Variants in LINGO2 observed in about 807,000 individuals in gnomAD.
LINGO2 encodes the protein leucine-rich repeat and immunoglobulin-like domain-containing nogo receptor-interacting protein 2.
In LINGO2, 14 loss-of-function variants were observed where a neutral mutation model predicts 30.6. That is an observed-to-expected ratio of 0.46 (90% CI 0.30 to 0.72). The LOEUF is 0.72. LINGO2 is among the 30% of genes least tolerant of loss of function. The pLI, the probability that LINGO2 is intolerant of heterozygous loss-of-function variation, is 0.07. For missense variants in LINGO2, 729 were observed against 751.7 expected (o/e 0.97, Z 0.35); for synonymous variants, 317 against 288.5 (o/e 1.10, Z -1.00).
chr9:27,972,384 C>A (rs1462751158), intron 5 of LINGO2, among the ~76,000 whole-genome samples: 1 of 152,172 alleles, frequency 6.6e-6, no homozygotes, highest in Non-Finnish European at 1.5e-5. Flanking sequence ...GAAAGCTAGA[C>A]TTTCTGCAAG....
chr9:29,048,910 A>C, the LINGO2 span, among the ~76,000 whole-genome samples: 1 of 152,172 alleles, frequency 6.6e-6, no homozygotes, highest in Admixed American at 6.5e-5. Context: ...TCTGGGCAAA[A>C]ATTTCTTAAG....
chr9:29,179,540 G>A, the LINGO2 span, among the ~76,000 whole-genome samples: 2 of 151,384 alleles, frequency 1.3e-5, no homozygotes, highest in Non-Finnish European at 2.9e-5. Flanking sequence ...CAGGAGCTGA[G>A]ACTACACATG....
At chr9:29,120,679 G>A in the LINGO2 span, among the ~76,000 whole-genome samples, 4 of 152,122 alleles carry the variant, frequency 2.6e-5, no homozygotes, top group Non-Finnish European at 5.9e-5. Flanking sequence ...ACACTGTAAG[G>A]TGGTAGTTCA....
chr9:28,799,003 A>G, the LINGO2 span, among the ~76,000 whole-genome samples: 1 of 152,050 alleles, frequency 6.6e-6, no homozygotes, highest in Admixed American at 6.6e-5. Context: ...AAAAATTGAG[A>G]TGATGGAGAG....
At chr9:28,674,348 TA>T (rs1306218135), upstream of LINGO2, among the ~76,000 whole-genome samples, 5 of 152,172 alleles carry the variant, frequency 3.3e-5, no homozygotes, top group Non-Finnish European at 7.4e-5. Flanking sequence ...AGTGATATTC[TA>T]GGAATAATTT....
At chr9:29,203,154 G>A in the LINGO2 span, among the ~76,000 whole-genome samples, 1 of 152,032 alleles carries the variant, frequency 6.6e-6, no homozygotes, top group Non-Finnish European at 1.5e-5. Context: ...ATATGTTCTA[G>A]AATGATCTTC....
chr9:28,538,366 A>G (rs1427327851), intron 1 of LINGO2, among the ~76,000 whole-genome samples: 1 of 152,234 alleles, frequency 6.6e-6, no homozygotes, highest in African/African-American at 2.4e-5. Context: ...ATTGAATTTA[A>G]AAGATTAAAG....
chr9:28,111,480 G>C (rs1386795804), intron 4 of LINGO2, among the ~76,000 whole-genome samples: 1 of 151,804 alleles, frequency 6.6e-6, no homozygotes, highest in Non-Finnish European at 1.5e-5. Context: ...GAATTGTACA[G>C]AAAAAAAGGC....
the LINGO2 span, among the ~76,000 whole-genome samples, chr9:29,092,455 G>A: frequency 6.6e-6 from 1 of 151,956 alleles, no homozygotes; most frequent in Non-Finnish European, 1.5e-5. Flanking sequence ...GGAAAACCAA[G>A]TACAAAATGA....
At chr9:28,671,819 A>G (rs1829031080), upstream of LINGO2, among the ~76,000 whole-genome samples, 1 of 152,128 alleles carries the variant, frequency 6.6e-6, no homozygotes, top group South Asian at 2.1e-4. Flanking sequence ...ACTAAGAAGT[A>G]TAACTTTGTC....
the LINGO2 span, among the ~76,000 whole-genome samples, chr9:29,202,007 G>T: frequency 6.6e-6 from 1 of 151,818 alleles, no homozygotes; most frequent in Non-Finnish European, 1.5e-5. Flanking sequence ...GTATTACTAT[G>T]GTTTTGGATA....
the LINGO2 span, among the ~76,000 whole-genome samples, chr9:29,189,584 A>G: frequency 6.6e-6 from 1 of 151,366 alleles, no homozygotes; most frequent in African/African-American, 2.4e-5. Context: ...GCGGCCAGGC[A>G]GAGACGCTCC....
chr9:28,182,208 T>A (rs1321354473), intron 4 of LINGO2, among the ~76,000 whole-genome samples: 1 of 152,064 alleles, frequency 6.6e-6, no homozygotes, highest in Non-Finnish European at 1.5e-5. Flanking sequence ...AAACAAGCAA[T>A]GGGGTAAGGA....
intron 5 of LINGO2, among the ~76,000 whole-genome samples, chr9:27,963,203 C>T (rs1819931880): frequency 1.3e-5 from 2 of 152,252 alleles, no homozygotes; most frequent in South Asian, 4.1e-4. Context: ...AGGTGGTATA[C>T]ATGGTGCCTA....
rs1564062912 is a variant in LINGO2, at chr9:28,233,050, ATATATATATAT to A, written c.-87+62147_-87+62157del. Among the ~76,000 whole-genome samples, 120 of 122,112 alleles carry A rather than the reference ATATATATATAT, an allele frequency of 9.8e-4. 4 individuals are homozygous for A. Among genetic ancestry groups the A allele is most frequent in the Middle Eastern group, 3.9e-3 (1 of 256 alleles). 80.1% of individuals were successfully genotyped at this position (122,112 alleles called of 152,430 possible). A position where few individuals can be genotyped will look rare whatever the true frequency, so the allele number is the denominator to read the frequency against. On this transcript the variant is annotated intron_variant, in intron 4 of 5. Coordinates refer to ENST00000379992, the Ensembl canonical transcript of LINGO2. ...AAACATTATATATATATATATATAT[ATATATATATAT>A]TAGATATATAATAGATATACAGTAA... is the stretch of plus-strand genomic sequence containing the variant.
At chr9:28,945,919 G>C in the LINGO2 span, among the ~76,000 whole-genome samples, 1 of 152,068 alleles carries the variant, frequency 6.6e-6, no homozygotes, top group Admixed American at 6.5e-5. Flanking sequence ...TAAAGATGAG[G>C]CTTCCTTTCA....
Position 28,278,464 on chromosome 9 carries a change from C to T in LINGO2, c.-87+16744G>A, listed in dbSNP as rs945720466. 3.3e-5 allele frequency among the ~76,000 whole-genome samples: 5 copies of T among 152,268 alleles called. No individual in the cohort carries two copies. In the East Asian group the frequency reaches 7.7e-4, roughly 23 times the overall value. ...CTGATCCTCTTGTTAGGGGCTAATG[C>T]AGCTGGTGACTTTAAGTTGAAGCCA... On this transcript the variant is annotated intron_variant, in intron 4 of 5. Coordinates refer to ENST00000379992, the Ensembl canonical transcript of LINGO2.
At chr9:28,360,903 C>T (rs536345553) in intron 3 of LINGO2, among the ~76,000 whole-genome samples, 33 of 152,142 alleles carry the variant, frequency 2.2e-4, no homozygotes, top group Middle Eastern at 3.4e-3. Context: ...CAAAATGGCA[C>T]AAAAAACAAC....
chr9:28,899,693 C>A, the LINGO2 span, among the ~76,000 whole-genome samples: 1 of 152,196 alleles, frequency 6.6e-6, no homozygotes, highest in African/African-American at 2.4e-5. Flanking sequence ...TAGATCAGCC[C>A]AGAGCCAGTC....
Sources: allele counts gnomAD v4.1 joint callset (sites outside exome capture counted in the v4.1 genomes callset), GRCh38; gene constraint gnomAD v4.1.1; transcripts MANE v1.5; gene names NCBI Gene and HGNC (gene_info 2026-07-23, HGNC 2026-07-21).